The following CMTM8 variants were observed in gnomAD, a reference collection of about 807,000 sequenced individuals.
CMTM8 encodes CKLF like MARVEL transmembrane domain containing 8.
In CMTM8, 12 loss-of-function variants were observed where a neutral mutation model predicts 18.6. The observed-to-expected ratio is 0.65, with a 90% CI of 0.41 to 1.05. The LOEUF is 1.05. CMTM8 is among the 50% of genes least tolerant of loss of function. The probability of loss-of-function intolerance (pLI) is 0.00; values close to 1 mark genes in which losing one functional copy is unlikely to be tolerated. For missense variants in CMTM8, 217 were observed against 227.2 expected (o/e 0.95, Z 0.29); for synonymous variants, 87 against 90.6 (o/e 0.96, Z 0.23).
chr3:32,336,325 G>A (rs956438357), intron 1 of CMTM8, among the ~76,000 whole-genome samples: 3 of 152,222 alleles, frequency 2.0e-5, no homozygotes, highest in Admixed American at 6.5e-5. Flanking sequence ...CTGTGATAAA[G>A]TGGAGTCGGC....
chr3:32,324,168 CTT>C (rs1255587991), intron 1 of CMTM8, among the ~76,000 whole-genome samples: 1 of 152,134 alleles, frequency 6.6e-6, no homozygotes, highest in Non-Finnish European at 1.5e-5. Flanking sequence ...AATTATCAGA[CTT>C]TTAATTTCAT....
At chr3:32,361,581 A>C (rs1559390245) in intron 2 of CMTM8, among the ~76,000 whole-genome samples, 1 of 152,054 alleles carries the variant, frequency 6.6e-6, no homozygotes, top group South Asian at 2.1e-4. Context: ...GTCCCCTGGG[A>C]ACTTGTCTGG....
At chr3:32,363,217 A>T (rs1396451690) in intron 2 of CMTM8, among the ~76,000 whole-genome samples, 1 of 152,152 alleles carries the variant, frequency 6.6e-6, no homozygotes, top group African/African-American at 2.4e-5. Context: ...GATAGTCCAG[A>T]AGTAAGTCAC....
intron 1 of CMTM8, among the ~76,000 whole-genome samples, chr3:32,286,871 T>G (rs1280169555): frequency 6.6e-6 from 1 of 152,264 alleles, no homozygotes; most frequent in Non-Finnish European, 1.5e-5. Flanking sequence ...GGGCCGCAGG[T>G]TGGACAAGCT....
intron 2 of CMTM8, among the ~76,000 whole-genome samples, chr3:32,364,194 A>G (rs1435443312): frequency 3.9e-5 from 6 of 152,196 alleles, no homozygotes; most frequent in Non-Finnish European, 4.4e-5. Context: ...CAACATAGCA[A>G]GACCTGTCTC....
At chr3:32,266,544 G>A (rs368377957) in intron 1 of CMTM8, among the ~76,000 whole-genome samples, 6 of 152,026 alleles carry the variant, frequency 3.9e-5, no homozygotes, top group Non-Finnish European at 7.4e-5. Context: ...AAACTGGCAC[G>A]AGACAGGGAT....
At chr3:32,328,781 C>A (rs1173185748) in intron 1 of CMTM8, among the ~76,000 whole-genome samples, 57 of 152,068 alleles carry the variant, frequency 3.7e-4, no homozygotes, top group Non-Finnish European at 2.9e-5. Context: ...CCTACCAAGA[C>A]TGAATCATGA....
At chr3:32,305,843 T>C (rs979772457) in intron 1 of CMTM8, among the ~76,000 whole-genome samples, 4 of 152,254 alleles carry the variant, frequency 2.6e-5, no homozygotes, top group Non-Finnish European at 4.4e-5. Flanking sequence ...ATTTTGCATG[T>C]TTTTAAAAAA....
chr3:32,327,532 G>C (rs1559380729), intron 1 of CMTM8, among the ~76,000 whole-genome samples: 1 of 152,186 alleles, frequency 6.6e-6, no homozygotes, highest in Non-Finnish European at 1.5e-5. Flanking sequence ...CTCTTGGAAT[G>C]AATTTGAATT....
At chr3:32,333,180 C>A (rs1036878124) in intron 1 of CMTM8, among the ~76,000 whole-genome samples, 1 of 152,206 alleles carries the variant, frequency 6.6e-6, no homozygotes, top group Non-Finnish European at 1.5e-5. Context: ...TCTAATAAAA[C>A]TGTATTTATG....
At chr3:32,339,605 C>A (rs752377872) in intron 1 of CMTM8, among the ~76,000 whole-genome samples, 1 of 152,212 alleles carries the variant, frequency 6.6e-6, no homozygotes, top group Non-Finnish European at 1.5e-5. Context: ...TGAAGCCCTT[C>A]GGTTGTGCTT....
intron 1 of CMTM8, chr3:32,258,972 C>A: frequency 3.0e-6 from 1 of 334,604 alleles, no homozygotes; most frequent in South Asian, 3.0e-5. Context: ...CCTTCTCCTC[C>A]AACTGCCAGT....
intron 1 of CMTM8, among the ~76,000 whole-genome samples, chr3:32,268,774 G>A (rs1702389373): frequency 6.6e-6 from 1 of 152,148 alleles, no homozygotes; most frequent in Non-Finnish European, 1.5e-5. Context: ...GTCCTAAAAA[G>A]CTATGGGGTG....
intron 1 of CMTM8, chr3:32,243,908 CT>C: frequency 2.4e-5 from 4 of 163,418 alleles, no homozygotes; most frequent in Non-Finnish European, 1.4e-5. Context: ...TGCTTCCAGC[CT>C]TTTCCTTTGG....
At chr3:32,258,555 G>T (rs573590002) in intron 1 of CMTM8, among the ~76,000 whole-genome samples, 2 of 152,094 alleles carry the variant, frequency 1.3e-5, no homozygotes, top group African/African-American at 4.8e-5. Context: ...TGTCACCCAG[G>T]CTGGAGTGCA....
At chr3:32,244,689 C>T (rs1320378037) in intron 1 of CMTM8, among the ~76,000 whole-genome samples, 1 of 152,114 alleles carries the variant, frequency 6.6e-6, no homozygotes. Flanking sequence ...AAAGAAGTAC[C>T]ATACCTGGTT....
intron 1 of CMTM8, among the ~76,000 whole-genome samples, chr3:32,330,615 A>G (rs980467412): frequency 3.9e-5 from 6 of 152,222 alleles, no homozygotes; most frequent in Non-Finnish European, 7.3e-5. Flanking sequence ...ACGCTCATAT[A>G]TGTAGTCAAA....
At chr3:32,284,992 A>C (rs1422061428) in intron 1 of CMTM8, among the ~76,000 whole-genome samples, 1 of 152,178 alleles carries the variant, frequency 6.6e-6, no homozygotes, top group East Asian at 1.9e-4. Flanking sequence ...GCAGAGTCTG[A>C]GAGGCCCCAG....
intron 1 of CMTM8, among the ~76,000 whole-genome samples, chr3:32,304,224 G>T (rs184196698): frequency 1.1e-3 from 160 of 152,300 alleles, no homozygotes; most frequent in Non-Finnish European, 2.1e-3. Context: ...AGTAGCATCT[G>T]CCAGGTCTTA....
Sources: allele counts gnomAD v4.1 joint callset (sites outside exome capture counted in the v4.1 genomes callset), GRCh38; gene constraint gnomAD v4.1.1; transcripts MANE v1.5; gene names NCBI Gene and HGNC (gene_info 2026-07-23, HGNC 2026-07-21).